The following KDM5B variants were observed in gnomAD, a reference collection of about 807,000 sequenced individuals.
KDM5B encodes lysine demethylase 5B, also known as lysine-specific demethylase 5B.
In KDM5B, 144 loss-of-function variants were observed where a neutral mutation model predicts 193.4. The ratio of observed to expected loss-of-function variants is 0.74; its 90% confidence interval spans 0.65 to 0.86. The LOEUF (loss-of-function observed/expected upper bound fraction) is 0.86. Ranked by LOEUF, KDM5B falls within the 40% of genes least tolerant of loss-of-function variation. The pLI, the probability that KDM5B is intolerant of heterozygous loss-of-function variation, is 0.00. For synonymous variants in KDM5B, 668 were observed against 682.6 expected (o/e 0.98, Z 0.33); for missense variants, 1,833 against 1,886.9 (o/e 0.97, Z 0.53).
intron 4 of KDM5B, among the ~76,000 whole-genome samples, chr1:202,772,848 C>T (rs1303165231): frequency 2.7e-5 from 4 of 148,258 alleles, no homozygotes; most frequent in Non-Finnish European, 4.5e-5. Flanking sequence ...AGGCACACGC[C>T]ACCATGCCCA....
intron 4 of KDM5B, chr1:202,767,279 C>T (rs1004120266): frequency 4.3e-6 from 7 of 1,609,300 alleles, no homozygotes; most frequent in Non-Finnish European, 5.1e-6. Context: ...ATAGCAAACG[C>T]AGATCCAAAG....
rs1327452007 is a variant in KDM5B at position 202,749,133 on chromosome 1, A to T, written c.1828T>A (p.Leu610Ile). 6.2e-7 allele frequency: 1 copy of T among 1,607,942 alleles called. No homozygotes were observed. Among genetic ancestry groups the T allele is most frequent in the African/African-American group, 1.3e-5 (1 of 74,772 alleles). The change falls in exon 14 of 27, where the codon TTA (leucine) becomes ATA (isoleucine). Residue 610 changes from leucine to isoleucine, a missense_variant. Physicochemically the swap from Leu to Ile is conservative, Grantham distance 5 (BLOSUM62 2). Transcript: ENST00000367265. ...VNFCTVDWLP[L>I]GRQCVEHYRL... ...TAATGCTCCACACACTGTCGGCCTA[A>T]TGGCAGCTGTATCAAAACACGGAAA...
chr1:202,747,595 C>G (rs1358381187), intron 14 of KDM5B, among the ~76,000 whole-genome samples: 1 of 149,692 alleles, frequency 6.7e-6, no homozygotes, highest in African/African-American at 2.5e-5. Flanking sequence ...AACAGTATTA[C>G]TATTTGCAGA....
intron 12 of KDM5B, among the ~76,000 whole-genome samples, chr1:202,751,083 T>C (rs112125065): frequency 0.016 from 2,458 of 152,182 alleles, 63 homozygotes; most frequent in African/African-American, 0.056. Flanking sequence ...AATATATTAT[T>C]ATTACCCCTC....
At chr1:202,765,279 C>T (rs1286923026) in intron 5 of KDM5B, among the ~76,000 whole-genome samples, 1 of 152,144 alleles carries the variant, frequency 6.6e-6, no homozygotes, top group East Asian at 1.9e-4. Flanking sequence ...GGGCTCCTTC[C>T]TCATTGAGGG....
chr1:202,788,907 C>T (rs1441073937), intron 1 of KDM5B, among the ~76,000 whole-genome samples: 3 of 152,090 alleles, frequency 2.0e-5, no homozygotes, highest in South Asian at 4.1e-4. Context: ...GGATTATATA[C>T]TTTAAAAAGA....
intron 5 of KDM5B, among the ~76,000 whole-genome samples, chr1:202,765,395 T>A (rs1331028572): frequency 6.6e-6 from 1 of 152,218 alleles, no homozygotes; most frequent in Non-Finnish European, 1.5e-5. Context: ...TGTGGAACTG[T>A]GCTTTCTCAC....
At chr1:202,733,339 T>A in intron 23 of KDM5B, 62 bp downstream of exon 23, 1 of 1,552,938 alleles carries the variant, frequency 6.4e-7, no homozygotes, top group Non-Finnish European at 8.7e-7. Flanking sequence ...AGCTACAGGT[T>A]CGAGAGAAAG....
At chr1:202,781,532 A>G (rs1657198343) in intron 1 of KDM5B, among the ~76,000 whole-genome samples, 1 of 152,220 alleles carries the variant, frequency 6.6e-6, no homozygotes, top group African/African-American at 2.4e-5. Context: ...ATCCCAAGTG[A>G]AAAAGATTAA....
In KDM5B at chr1:202,727,680, C is replaced by A. The variant is rs1572699575; in HGVS notation, c.*1356G>T. On this transcript the variant is annotated 3_prime_UTR_variant, in exon 27 of 27. Coordinates refer to ENST00000367265, the MANE Select transcript of KDM5B (RefSeq NM_006618.5). ...AAGGAAAATAGCTATGGGCTATCCA[C>A]AGCCAGTAATGATAGCTACAGTTAG... 1 of 152,756 alleles carries A rather than the reference C, an allele frequency of 6.5e-6. No individual in the cohort carries two copies. The allele number at this position is 152,756 out of a possible 1,614,324, so 9.5% of individuals were successfully genotyped here. A position where few individuals can be genotyped will look rare whatever the true frequency, so the allele number is the denominator to read the frequency against.
intron 1 of KDM5B, among the ~76,000 whole-genome samples, chr1:202,790,389 C>A (rs921617097): frequency 5.3e-5 from 8 of 152,064 alleles, no homozygotes; most frequent in African/African-American, 1.9e-4. Flanking sequence ...CCAGCCTGGG[C>A]AAGGTGGCAA....
intron 16 of KDM5B, 147 bp from the exon 17 acceptor site, chr1:202,742,952 G>C: frequency 1.4e-6 from 1 of 716,488 alleles, no homozygotes; most frequent in Non-Finnish European, 2.2e-6. Context: ...TAACAAATTT[G>C]TTGATTTGAT....
At position 202,742,781 on chromosome 1, in the gene KDM5B, A is replaced by G. The variant is rs746853626; in HGVS notation, c.2348T>C (p.Ile783Thr). Residue 783 changes from isoleucine to threonine, a missense_variant, in exon 17 of 27, where the codon ATT becomes ACT. By Grantham distance (89) the Ile-to-Thr change is moderately conservative (BLOSUM62 -1). Around this residue, in one of 3 missense-constraint regions of KDM5B, gnomAD observed 1,379 missense variants for 1,349.6 expected, o/e 1.02. Coordinates refer to ENST00000367265, the MANE Select transcript of KDM5B (RefSeq NM_006618.5). ...GAATTTCTTCATTTCAGATTCTTCAATTAAAGCCTTGAAGCTGACAAGGCC... is the reference window on the plus strand; with the variant it reads ...GAATTTCTTCATTTCAGATTCTTCAGTTAAAGCCTTGAAGCTGACAAGGCC... ...KKSLVSFKAL[I>T]EESEMKKFPD... 9 of 1,614,138 alleles carry G rather than the reference A, an allele frequency of 5.6e-6. No individual in the cohort carries two copies. Among genetic ancestry groups the G allele is most frequent in the Admixed American group, 1.7e-5 (1 of 60,020 alleles).
chr1:202,771,369 T>G (rs964590080), intron 4 of KDM5B, among the ~76,000 whole-genome samples: 1 of 145,786 alleles, frequency 6.9e-6, no homozygotes, highest in Non-Finnish European at 1.5e-5. Context: ...GTAGCTGAGA[T>G]TACAAGTGCC....
chr1:202,736,772 G>A (rs1655114065), intron 20 of KDM5B, among the ~76,000 whole-genome samples: 1 of 152,076 alleles, frequency 6.6e-6, no homozygotes, highest in African/African-American at 2.4e-5. Context: ...CTCCCGGGTA[G>A]CTGGGATTAC....
rs559152078 is a variant in KDM5B, at chr1:202,762,721, C to A, written c.896G>T (p.Arg299Leu). ...VENEKEKPKS[R>L]SKKATNAVDL... ...CACAGCATTGGTGGCTTTTTTAGAT[C>A]GACTCTTGGGCTTTTCCTTCTCATT... The change falls in exon 7 of 27, where the codon CGA becomes CTA. Residue 299 changes from arginine (R) to leucine (L), a missense_variant. Physicochemically the swap from Arg to Leu is moderately radical, Grantham distance 102. Around this residue, in one of 3 missense-constraint regions of KDM5B, gnomAD observed 99 missense variants for 162.4 expected, o/e 0.61. Coordinates refer to ENST00000367265, the MANE Select transcript of KDM5B (RefSeq NM_006618.5). 8 of 1,604,712 alleles carry A rather than the reference C, an allele frequency of 5.0e-6. No individual in the cohort carries two copies. The African/African-American group carries it at 8.0e-5, about 16-fold the overall frequency.
chr1:202,777,520 G>T (rs1657009956), intron 1 of KDM5B, among the ~76,000 whole-genome samples: 1 of 150,474 alleles, frequency 6.6e-6, no homozygotes, highest in Admixed American at 6.6e-5. Flanking sequence ...TTGAGATAAG[G>T]TTTCACTCTG....
chr1:202,775,916 C>T (rs1246893742), intron 2 of KDM5B, among the ~76,000 whole-genome samples: 6 of 125,080 alleles, frequency 4.8e-5, no homozygotes, highest in African/African-American at 1.8e-4. Flanking sequence ...TATATACACA[C>T]ACATACATTA....
chr1:202,772,494 A>G (rs1656761312), intron 4 of KDM5B, among the ~76,000 whole-genome samples: 1 of 152,196 alleles, frequency 6.6e-6, no homozygotes, highest in Non-Finnish European at 1.5e-5. Context: ...TTATACCTTC[A>G]TATGACAGCC....
Sources: gnomAD v4.1 joint callset for allele counts (sites outside exome capture counted in the v4.1 genomes callset) on GRCh38, gnomAD v4.1.1 for gene constraint, gnomAD v4.1.1 regional missense constraint, MANE v1.5 for transcripts, NCBI Gene and HGNC (gene_info 2026-07-23, HGNC 2026-07-21) for gene names.